The following CTNNA3 variants were observed in gnomAD, a reference collection of about 807,000 sequenced individuals.
CTNNA3 encodes catenin alpha-3.
CTNNA3 carries 76 observed loss-of-function variants against 95.7 expected under a neutral mutation model. The observed-to-expected ratio is 0.79, with a 90% CI of 0.66 to 0.96. CTNNA3 has a LOEUF of 0.96. CTNNA3 is among the 40% of genes least tolerant of loss of function. The pLI is 0.00. For missense variants in CTNNA3, 1,191 were observed against 1,089.8 expected (o/e 1.09, Z -1.31); for synonymous variants, 431 against 374.4 (o/e 1.15, Z -1.74).
chr10:67,515,072 A>G (rs1839769766), intron 5 of CTNNA3, among the ~76,000 whole-genome samples: 2 of 152,202 alleles, frequency 1.3e-5, no homozygotes, highest in African/African-American at 4.8e-5. Flanking sequence ...TATCATGACC[A>G]TTAACTATCC....
chr10:67,244,294 G>A (rs1484893009), intron 5 of CTNNA3, among the ~76,000 whole-genome samples: 1 of 152,124 alleles, frequency 6.6e-6, no homozygotes, highest in Non-Finnish European at 1.5e-5. Context: ...TTGACTCTCA[G>A]GATGTTCTAA....
intron 7 of CTNNA3, among the ~76,000 whole-genome samples, chr10:66,792,614 T>C (rs1841019516): frequency 6.6e-6 from 1 of 152,136 alleles, no homozygotes; most frequent in Non-Finnish European, 1.5e-5. Flanking sequence ...GGCTTTGAGT[T>C]CTGGCACACA....
chr10:66,604,296 A>T (rs1844036356), intron 10 of CTNNA3, among the ~76,000 whole-genome samples: 1 of 152,180 alleles, frequency 6.6e-6, no homozygotes, highest in Admixed American at 6.5e-5. Context: ...AATAATCCCC[A>T]TGCTAACACC....
At chr10:66,566,164 TG>T in intron 10 of CTNNA3, among the ~76,000 whole-genome samples, 1 of 152,302 alleles carries the variant, frequency 6.6e-6, no homozygotes, top group East Asian at 1.9e-4. Flanking sequence ...GAGTAGAGCC[TG>T]CAGGCATTAA....
chr10:67,311,960 A>AAC (rs141883483), intron 5 of CTNNA3, among the ~76,000 whole-genome samples: 1 of 151,460 alleles, frequency 6.6e-6, no homozygotes, highest in Non-Finnish European at 1.5e-5. Context: ...CACACACACA[A>AAC]ACACACACAC....
intron 9 of CTNNA3, among the ~76,000 whole-genome samples, chr10:66,644,266 C>G (rs61867519): frequency 8.2e-6 from 1 of 121,354 alleles, no homozygotes; most frequent in African/African-American, 3.7e-5. Context: ...GTCTCTCTGT[C>G]TGTCTGTCTG....
At chr10:67,557,871 G>A (rs1398637609) in intron 3 of CTNNA3, among the ~76,000 whole-genome samples, 1 of 152,078 alleles carries the variant, frequency 6.6e-6, no homozygotes, top group Admixed American at 6.6e-5. Flanking sequence ...TATGATACTA[G>A]GAACTGGGCC....
intron 15 of CTNNA3, among the ~76,000 whole-genome samples, chr10:65,999,830 C>G (rs1445635979): frequency 6.7e-6 from 1 of 149,996 alleles, no homozygotes; most frequent in Admixed American, 6.7e-5. Flanking sequence ...TTGGATCCTA[C>G]AGAAAAAGAC....
chr10:67,668,815 A>C (rs973070133), intron 1 of CTNNA3, among the ~76,000 whole-genome samples: 1 of 149,754 alleles, frequency 6.7e-6, no homozygotes, highest in African/African-American at 2.5e-5. Flanking sequence ...ACCACAGATA[A>C]GGGGCCTACT....
intron 5 of CTNNA3, among the ~76,000 whole-genome samples, chr10:67,240,235 G>T (rs567637244): frequency 6.6e-6 from 1 of 152,140 alleles, no homozygotes; most frequent in Non-Finnish European, 1.5e-5. Flanking sequence ...TGTATACTTT[G>T]CTATTTGGAT....
intron 3 of CTNNA3, among the ~76,000 whole-genome samples, chr10:67,599,299 A>G (rs1843011650): frequency 3.9e-5 from 6 of 152,190 alleles, no homozygotes; most frequent in Admixed American, 3.9e-4. Flanking sequence ...CATTTCACCC[A>G]AACAAGAATC....
chr10:67,556,186 G>A (rs1564736316), intron 3 of CTNNA3, among the ~76,000 whole-genome samples: 1 of 152,172 alleles, frequency 6.6e-6, no homozygotes, highest in African/African-American at 2.4e-5. Flanking sequence ...GTGCATCGAT[G>A]TTCATCAGGG....
In CTNNA3 at chr10:66,289,468, C is replaced by T. The variant is rs142086135; in HGVS notation, c.1733-8847G>A. Among the ~76,000 whole-genome samples the T allele has an allele frequency of 7.3e-3, 1,115 of 151,776 alleles. 15 individuals are homozygous for T. The highest frequency in any genetic ancestry group is 0.026 in the African/African-American group (1,058 of 41,368). On this transcript the variant is annotated intron_variant, in intron 12 of 17. Transcript: ENST00000433211. ...TAACTTCGGGGAGCCCAAATTAATA[C>T]GGCTTAAACATATAAGCATGTTTAA...
chr10:66,580,585 C>A (rs933827703), intron 10 of CTNNA3, among the ~76,000 whole-genome samples: 2 of 151,638 alleles, frequency 1.3e-5, no homozygotes, highest in African/African-American at 4.8e-5. Context: ...TTTTATTCAG[C>A]TTGAGATCTT....
At chr10:66,418,468 C>A (rs922694947) in intron 11 of CTNNA3, among the ~76,000 whole-genome samples, 3 of 151,024 alleles carry the variant, frequency 2.0e-5, no homozygotes, top group Non-Finnish European at 4.4e-5. Flanking sequence ...CAATCTTTCC[C>A]AAACTACTCC....
chr10:66,133,874 T>C lies in CTNNA3; in HGVS notation c.1885-30625A>G, dbSNP rs543650972. Among the ~76,000 whole-genome samples the C allele has an allele frequency of 7.0e-5, 9 of 128,636 alleles. No homozygotes were observed. In the South Asian group the frequency reaches 2.1e-3, roughly 30 times the overall value. 84.4% of individuals were successfully genotyped at this position (128,636 alleles called of 152,430 possible). On this transcript the variant is annotated intron_variant, in intron 13 of 17. Transcript: ENST00000433211. ...CAACATACTCTATAGCAGAATAAAC[T>C]TCACATGAATTTTTAAAAATCTAAC...
At chr10:66,514,013 C>A (rs1840753872) in intron 11 of CTNNA3, among the ~76,000 whole-genome samples, 2 of 152,118 alleles carry the variant, frequency 1.3e-5, no homozygotes, top group African/African-American at 4.8e-5. Context: ...GGCCCCAGGG[C>A]AGGATGTAGT....
chr10:66,919,506 C>T (rs947338532), intron 7 of CTNNA3, among the ~76,000 whole-genome samples: 7 of 152,154 alleles, frequency 4.6e-5, no homozygotes, highest in African/African-American at 1.7e-4. Flanking sequence ...TGGATTGACG[C>T]TGCTGCATAA....
intron 15 of CTNNA3, among the ~76,000 whole-genome samples, chr10:66,001,118 A>T (rs984717624): frequency 1.3e-5 from 2 of 152,114 alleles, no homozygotes; most frequent in African/African-American, 4.8e-5. Context: ...TCTCTGTCCC[A>T]GTAAAATAAA....
Sources: allele counts gnomAD v4.1 joint callset (sites outside exome capture counted in the v4.1 genomes callset), GRCh38; gene constraint gnomAD v4.1.1; transcripts MANE v1.5; gene names NCBI Gene and HGNC (gene_info 2026-07-23, HGNC 2026-07-21).